Variants in NCOA6 observed in about 807,000 individuals in gnomAD.
NCOA6 encodes the protein nuclear receptor coactivator 6.
NCOA6 carries 49 observed loss-of-function variants against 171.4 expected under a neutral mutation model. That is an observed-to-expected ratio of 0.29 (90% CI 0.23 to 0.36). NCOA6 has a LOEUF of 0.36. NCOA6 is among the 10% of genes least tolerant of loss of function. The pLI, the probability that NCOA6 is intolerant of heterozygous loss-of-function variation, is 1.00. For missense variants in NCOA6, 2,248 were observed against 2,554.5 expected (o/e 0.88, Z 2.59); for synonymous variants, 910 against 927.5 (o/e 0.98, Z 0.34).
At chr20:34,724,849 C>T (rs911484500) in intron 14 of NCOA6, among the ~76,000 whole-genome samples, 5 of 150,568 alleles carry the variant, frequency 3.3e-5, no homozygotes, top group African/African-American at 7.4e-5. Flanking sequence ...AACACAATGA[C>T]GCGATCTTGG....
At chr20:34,736,855 A>G in intron 11 of NCOA6, 97 bp from the exon 12 acceptor site, 2 of 1,067,538 alleles carry the variant, frequency 1.9e-6, no homozygotes, top group South Asian at 1.7e-5. Context: ...TGCTGAAACA[A>G]TGTACTCTTA....
At chr20:34,763,988 G>A (rs1334716455) in intron 5 of NCOA6, among the ~76,000 whole-genome samples, 6 of 139,038 alleles carry the variant, frequency 4.3e-5, no homozygotes, top group South Asian at 2.3e-4. Flanking sequence ...GTTTACTGCC[G>A]TTTAAATATT....
At chr20:34,747,734 C>T (rs189931277) in intron 9 of NCOA6, among the ~76,000 whole-genome samples, 57 of 152,196 alleles carry the variant, frequency 3.7e-4, no homozygotes, top group Non-Finnish European at 6.3e-4. Context: ...CACAAAAATC[C>T]ACTTTAAAAG....
intron 11 of NCOA6, 104 bp from the exon 12 acceptor site, chr20:34,736,862 CT>C: frequency 1.0e-6 from 1 of 962,620 alleles, no homozygotes; most frequent in Non-Finnish European, 1.5e-6. Context: ...ACAATGTACT[CT>C]TAGAGGGCAG....
intron 14 of NCOA6, among the ~76,000 whole-genome samples, chr20:34,719,451 C>T (rs1989027813): frequency 6.6e-6 from 1 of 152,018 alleles, no homozygotes. Context: ...GCCAACAAGG[C>T]GAAACCCCAT....
chr20:34,729,600 G>T (rs1990370286), intron 13 of NCOA6, among the ~76,000 whole-genome samples: 1 of 152,118 alleles, frequency 6.6e-6, no homozygotes, highest in African/African-American at 2.4e-5. Context: ...TGCCTCTTCT[G>T]GGAAGTCTTC....
intron 10 of NCOA6, among the ~76,000 whole-genome samples, chr20:34,743,605 A>G (rs1463685140): frequency 6.6e-6 from 1 of 152,188 alleles, no homozygotes; most frequent in East Asian, 1.9e-4. Flanking sequence ...TGACTGTACT[A>G]AGAGCCTGAT....
intron 10 of NCOA6, among the ~76,000 whole-genome samples, chr20:34,743,861 T>A (rs1038141134): frequency 1.3e-5 from 2 of 152,264 alleles, no homozygotes; most frequent in African/African-American, 4.8e-5. Context: ...ACAGCCTTTT[T>A]ATTCTTTCAA....
rs770025994 is a variant in NCOA6, at chr20:34,757,905, CTGTTGCTGT to C, written c.834_842del (p.Gln283_Gln285del). ...GTCTTGCCTGCAACTGTTGTTGCTG[CTGTTGCTGT>C]TGTTGCTGCTGCTGCTGCTGCTGCT... On this transcript the variant is annotated inframe_deletion, in exon 7 of 15. Transcript: ENST00000359003. 11 of 1,613,848 alleles carry C rather than the reference CTGTTGCTGT, an allele frequency of 6.8e-6. No homozygotes were observed. The highest frequency in any genetic ancestry group is 2.2e-5 in the East Asian group (1 of 44,884).
At chr20:34,774,833 C>G (rs192780336) in intron 4 of NCOA6, among the ~76,000 whole-genome samples, 1 of 152,188 alleles carries the variant, frequency 6.6e-6, no homozygotes, top group African/African-American at 2.4e-5. Context: ...CAATATTTAT[C>G]ATTGTATTCC....
At chr20:34,732,726 A>C in intron 12 of NCOA6, 131 bp from the exon 13 acceptor site, 1 of 685,222 alleles carries the variant, frequency 1.5e-6, no homozygotes, top group Non-Finnish European at 2.5e-6. Context: ...CTCACCCTAC[A>C]TGGTATGGAG....
intron 2 of NCOA6, among the ~76,000 whole-genome samples, chr20:34,783,589 A>C (rs1195938294): frequency 6.6e-6 from 1 of 152,214 alleles, no homozygotes; most frequent in African/African-American, 2.4e-5. Flanking sequence ...TGTTCTAATA[A>C]AATAATTCCT....
At chr20:34,715,982 C>T (rs187156820) in intron 14 of NCOA6, among the ~76,000 whole-genome samples, 13 of 151,868 alleles carry the variant, frequency 8.6e-5, no homozygotes, top group South Asian at 8.3e-4. Context: ...TTTGGGAGGC[C>T]GAGGTGGGCG....
intron 5 of NCOA6, among the ~76,000 whole-genome samples, chr20:34,763,787 A>G (rs886571175): frequency 6.6e-6 from 1 of 152,218 alleles, no homozygotes; most frequent in African/African-American, 2.4e-5. Flanking sequence ...CCCAGCGAAC[A>G]CAGACAAATT....
At chr20:34,735,386 C>G (rs1296117058) in intron 12 of NCOA6, among the ~76,000 whole-genome samples, 6 of 152,154 alleles carry the variant, frequency 3.9e-5, no homozygotes, top group African/African-American at 1.4e-4. Context: ...TGGCTCATGC[C>G]TGTAATCCCA....
intron 3 of NCOA6, among the ~76,000 whole-genome samples, chr20:34,781,526 T>G (rs2077517345): frequency 6.6e-6 from 1 of 152,194 alleles, no homozygotes; most frequent in South Asian, 2.1e-4. Context: ...TTATCAGATC[T>G]TCCTATTTTT....
chr20:34,790,386 G>A (rs535589645), intron 2 of NCOA6, among the ~76,000 whole-genome samples: 3 of 151,806 alleles, frequency 2.0e-5, no homozygotes, highest in South Asian at 2.1e-4. Flanking sequence ...ATGGAGTCTC[G>A]CTGTGTTGCC....
At chr20:34,801,553 A>T (rs1014463504) in intron 1 of NCOA6, among the ~76,000 whole-genome samples, 8 of 152,242 alleles carry the variant, frequency 5.3e-5, no homozygotes, top group African/African-American at 1.7e-4. Context: ...GTTAGAGGCT[A>T]CTATAAGCAA....
At chr20:34,764,383 G>A (rs1019435548) in intron 5 of NCOA6, among the ~76,000 whole-genome samples, 10 of 151,990 alleles carry the variant, frequency 6.6e-5, no homozygotes, top group African/African-American at 2.2e-4. Context: ...CACAGCGCCC[G>A]GCTGCCCAGC....
Sources: allele counts gnomAD v4.1 joint callset (sites outside exome capture counted in the v4.1 genomes callset), GRCh38; gene constraint gnomAD v4.1.1; transcripts MANE v1.5; gene names NCBI Gene and HGNC (gene_info 2026-07-23, HGNC 2026-07-21).